TEX10: variants seen among roughly 807,000 people sequenced by gnomAD.
The protein encoded by TEX10 is testis-expressed protein 10.
Under a neutral mutation model 104.4 loss-of-function variants are expected in TEX10, and 24 were observed. That is an observed-to-expected ratio of 0.23 (90% CI 0.17 to 0.32). The LOEUF (loss-of-function observed/expected upper bound fraction) is 0.32. Among genes scored for constraint, TEX10 ranks in the 10% least tolerant of loss-of-function variants. The pLI is 1.00. For synonymous variants in TEX10, 396 were observed against 393.4 expected (o/e 1.01, Z -0.08); for missense variants, 921 against 1,083.9 (o/e 0.85, Z 2.11).
At chr9:100,321,622 A>T in intron 10 of TEX10, 61 bp downstream of exon 10, 1 of 1,333,526 alleles carries the variant, frequency 7.5e-7, no homozygotes, top group Non-Finnish European at 1.1e-6. Context: ...AAATCTTAGA[A>T]GGAGAATTGT....
At chr9:100,348,382 A>T (rs1184575924) in intron 2 of TEX10, among the ~76,000 whole-genome samples, 1 of 152,218 alleles carries the variant, frequency 6.6e-6, no homozygotes, top group African/African-American at 2.4e-5. Flanking sequence ...AAACCAATGA[A>T]TTGTATTCTT....
intron 5 of TEX10, among the ~76,000 whole-genome samples, chr9:100,339,292 CAT>C (rs1204460890): frequency 4.3e-4 from 40 of 93,938 alleles, no homozygotes; most frequent in African/African-American, 1.4e-3. Flanking sequence ...TATATATATA[CAT>C]ATATATATAC....
At chr9:100,352,096 G>C (rs546218774) in intron 1 of TEX10, among the ~76,000 whole-genome samples, 34 of 152,262 alleles carry the variant, frequency 2.2e-4, no homozygotes, top group African/African-American at 7.5e-4. Flanking sequence ...TAAATAGTTT[G>C]CCTGCCACCT....
chr9:100,342,578 T>C (rs1190222411), intron 4 of TEX10, among the ~76,000 whole-genome samples: 2 of 152,246 alleles, frequency 1.3e-5, no homozygotes, highest in African/African-American at 4.8e-5. Context: ...TTAATTTAAG[T>C]AGCCATTATT....
intron 5 of TEX10, among the ~76,000 whole-genome samples, chr9:100,337,523 T>TG (rs1026499673): frequency 6.6e-6 from 1 of 152,204 alleles, no homozygotes. Flanking sequence ...GAAAATTGTA[T>TG]GGGGGGAAAA....
intron 9 of TEX10, 66 bp from the exon 10 acceptor site, chr9:100,321,837 A>G (rs767405338): frequency 6.7e-5 from 77 of 1,155,320 alleles, no homozygotes; most frequent in Admixed American, 2.7e-4. Flanking sequence ...CAAAGGTAGC[A>G]CAGTATATAA....
chr9:100,309,391 A>G (rs2118833177), intron 12 of TEX10, among the ~76,000 whole-genome samples: 1 of 152,326 alleles, frequency 6.6e-6, no homozygotes, highest in East Asian at 1.9e-4. Context: ...CAAAGTCTGC[A>G]AACTCTGATG....
chr9:100,335,625 A>G (rs1032914625), intron 5 of TEX10, among the ~76,000 whole-genome samples: 1 of 152,052 alleles, frequency 6.6e-6, no homozygotes, highest in Non-Finnish European at 1.5e-5. Flanking sequence ...CTACTAGTAT[A>G]GTTTGGTGCC....
chr9:100,347,858 A>G (rs554602957), intron 2 of TEX10, among the ~76,000 whole-genome samples: 77 of 149,990 alleles, frequency 5.1e-4, no homozygotes, highest in East Asian at 1.2e-3. Flanking sequence ...AACCTTTGGG[A>G]AAAAAAAAAC....
At chr9:100,347,547 G>T in intron 2 of TEX10, 141 bp from the exon 3 acceptor site, 1 of 565,046 alleles carries the variant, frequency 1.8e-6, no homozygotes. Flanking sequence ...ATGTTATTTA[G>T]CTTTTGTTAG....
At position 100,346,886 on chromosome 9, in the gene TEX10, A is replaced by T; in HGVS notation, c.701T>A (p.Phe234Tyr). Reference sequence around the variant, plus strand: ...GGATCCATCTGCCAAGGCCTGAAGGAATTTACTGAGTCTCACTAAGACTTT... The same window carrying T: ...GGATCCATCTGCCAAGGCCTGAAGGTATTTACTGAGTCTCACTAAGACTTT... ...RLKVLVRLSK[F>Y]LQALADGSSR... The change falls in exon 3 of 15, where the codon TTC becomes TAC. Residue 234 changes from phenylalanine (F) to tyrosine (Y), a missense_variant. This residue lies in a region of TEX10 where 753 missense variants were observed against 868.4 expected (regional missense o/e 0.87). Coordinates refer to ENST00000374902, the MANE Select transcript of TEX10 (RefSeq NM_017746.4). 1 of 1,614,146 alleles carries T rather than the reference A, an allele frequency of 6.2e-7. No individual in the cohort carries two copies. The highest frequency in any genetic ancestry group is 1.1e-5 in the South Asian group (1 of 91,080).
intron 10 of TEX10, 84 bp from the exon 11 acceptor site, chr9:100,320,482 G>A: frequency 7.2e-7 from 1 of 1,392,690 alleles, no homozygotes; most frequent in Non-Finnish European, 9.6e-7. Flanking sequence ...GATGACATAT[G>A]CCTTCAAGTG....
At chr9:100,321,890 A>G in intron 9 of TEX10, 119 bp from the exon 10 acceptor site, 1 of 665,414 alleles carries the variant, frequency 1.5e-6, no homozygotes, top group Non-Finnish European at 2.5e-6. Context: ...AGTAGCTTAA[A>G]ATAAAACCCA....
chr9:100,333,639 A>C (rs1587733313), intron 5 of TEX10, among the ~76,000 whole-genome samples: 1 of 47,910 alleles, frequency 2.1e-5, no homozygotes, highest in South Asian at 2.1e-3. Flanking sequence ...CCCATCATAA[A>C]AAAAAAAAAA....
intron 12 of TEX10, among the ~76,000 whole-genome samples, chr9:100,309,371 A>G (rs1834217205): frequency 6.6e-6 from 1 of 152,206 alleles, no homozygotes. Context: ...ACTGTTGGGT[A>G]ATGATTTTAC....
chr9:100,304,542 G>A (rs754331255), intron 13 of TEX10: 2 of 152,184 alleles, frequency 1.3e-5, no homozygotes, highest in Non-Finnish European at 2.9e-5. Flanking sequence ...GAATAAAAAT[G>A]GATCCCTATC....
Position 100,320,309 on chromosome 9 carries a change from G to C in TEX10, c.2158C>G (p.Leu720Val), listed in dbSNP as rs1467395238. The change falls in exon 11 of 15, where the codon CTT becomes GTT. Residue 720 changes from leucine (L) to valine (V), a missense_variant. Coordinates refer to ENST00000374902, the MANE Select transcript of TEX10 (RefSeq NM_017746.4). ...TGTAAAAATTGATCCAAATCTGTAA[G>C]GTAGAGAAGCACAGGGGAAAGCTGT... ...QTQLSPVLLY[L>V]TDLDQFLHHW... 1 of 1,612,828 alleles carries C rather than the reference G, an allele frequency of 6.2e-7. No individual in the cohort carries two copies. The highest frequency in any genetic ancestry group is 2.2e-5 in the East Asian group (1 of 44,846).
chr9:100,316,904 A>AAC (rs1275488007), intron 11 of TEX10, among the ~76,000 whole-genome samples: 2 of 147,968 alleles, frequency 1.4e-5, no homozygotes, highest in African/African-American at 5.1e-5. Flanking sequence ...TAAAAAAAAA[A>AAC]AAAAAAAAAA....
intron 4 of TEX10, among the ~76,000 whole-genome samples, chr9:100,344,821 A>G (rs1008823383): frequency 6.6e-6 from 1 of 152,170 alleles, no homozygotes; most frequent in African/African-American, 2.4e-5. Context: ...ACTCCAGCCT[A>G]GGCAACAAGA....
Sources: allele counts gnomAD v4.1 joint callset (sites outside exome capture counted in the v4.1 genomes callset), GRCh38; gene constraint gnomAD v4.1.1; regional missense constraint gnomAD v4.1.1; transcripts MANE v1.5; gene names NCBI Gene and HGNC (gene_info 2026-07-23, HGNC 2026-07-21).